Variants in ARRDC1 observed in about 807,000 individuals in gnomAD.
ARRDC1 encodes the protein arrestin domain-containing protein 1.
ARRDC1 carries 37 observed loss-of-function variants against 40.1 expected under a neutral mutation model. The ratio of observed to expected loss-of-function variants is 0.92; its 90% confidence interval spans 0.71 to 1.21. ARRDC1 has a LOEUF of 1.21. ARRDC1 is among the 50% of genes most tolerant of loss of function. The pLI is 0.00. For synonymous variants in ARRDC1, 310 were observed against 262.5 expected (o/e 1.18, Z -1.75); for missense variants, 641 against 581.9 (o/e 1.10, Z -1.04).
intron 1 of ARRDC1, among the ~76,000 whole-genome samples, chr9:137,609,192 G>C (rs759168987): frequency 7.2e-5 from 11 of 152,084 alleles, no homozygotes; most frequent in Non-Finnish European, 1.5e-4. Flanking sequence ...ACTGGAATAA[G>C]GGGTGTTTGT....
At chr9:137,613,963 C>A (rs772885988) in intron 4 of ARRDC1, 69 bp from the exon 5 acceptor site, 4 of 1,585,566 alleles carry the variant, frequency 2.5e-6, no homozygotes, top group Non-Finnish European at 3.4e-6. Flanking sequence ...GGCTGAGGGG[C>A]CTGTCCCAAT....
At chr9:137,605,933 G>T (rs1451075978) in intron 1 of ARRDC1, 98 bp downstream of exon 1, 2 of 732,564 alleles carry the variant, frequency 2.7e-6, no homozygotes, top group East Asian at 7.6e-5. Flanking sequence ...TTGGGCCCGC[G>T]GAGTCGCTGT....
At position 137,614,737 on chromosome 9, in the gene ARRDC1, G is replaced by T; in HGVS notation, c.974G>T (p.Gly325Val). 1.2e-6 allele frequency: 2 copies of T among 1,608,282 alleles called. No individual in the cohort carries two copies. Among genetic ancestry groups the T allele is most frequent in the Non-Finnish European group, 1.7e-6 (2 of 1,177,548 alleles). The change falls in exon 7 of 8, where the codon GGC becomes GTC. Residue 325 changes from glycine (G) to valine (V), a missense_variant. Transcript: ENST00000371421. ...GCTGAGGCTGAGGCTGCGGCTGGCG[G>T]CCCCCACTTCTTGGACCCCGTCTTC... The part of the protein sequence containing the change: ...EEAEAEAAAG[G>V]PHFLDPVFLS...
chr9:137,605,752 G>A lies in ARRDC1; in HGVS notation c.35G>A (p.Ser12Asn). The A allele has an allele frequency of 7.3e-7, 1 of 1,378,296 alleles. No individual in the cohort carries two copies. 85.4% of individuals were successfully genotyped at this position (1,378,296 alleles called of 1,614,324 possible). A position where few individuals can be genotyped will look rare whatever the true frequency, so the allele number is the denominator to read the frequency against. Reference sequence around the variant, plus strand: ...GTGCAGCTCTTCGAGATCAGCCTGAGCCACGGCCGCGTCGTCTACAGCCCC... The same window carrying A: ...GTGCAGCTCTTCGAGATCAGCCTGAACCACGGCCGCGTCGTCTACAGCCCC... ...GRVQLFEISL[S>N]HGRVVYSPGE... Residue 12 changes from serine to asparagine, a missense_variant, in exon 1 of 8, where the codon AGC (serine) becomes AAC (asparagine). Physicochemically the swap from Ser to Asn is conservative, Grantham distance 46. Coordinates refer to ENST00000371421, the MANE Select transcript of ARRDC1 (RefSeq NM_152285.4).
intron 1 of ARRDC1, chr9:137,612,360 G>C (rs908287059): frequency 6.3e-6 from 1 of 159,902 alleles, no homozygotes; most frequent in Non-Finnish European, 1.4e-5. Flanking sequence ...TGCTCGCCCA[G>C]GAAGTAGGGC....
chr9:137,607,070 G>A (rs1314973274), intron 1 of ARRDC1, among the ~76,000 whole-genome samples: 1 of 152,242 alleles, frequency 6.6e-6, no homozygotes, highest in Non-Finnish European at 1.5e-5. Context: ...CCCAAGAGCC[G>A]AGGGAGCACT....
chr9:137,615,076 GC>G lies in ARRDC1; in HGVS notation c.1244del (p.Pro415HisfsTer15). On this transcript the variant is annotated frameshift_variant, in exon 8 of 8. Coordinates refer to ENST00000371421, the MANE Select transcript of ARRDC1 (RefSeq NM_152285.4). LOFTEE classifies it high-confidence loss of function. ...CAGACCCTGCTTTCTTCCCGCAGAG[GC>G]CCCACCGTCTTATGAGCAGAGCTGC... ...EYSSWGYPYE[A>X]PPSYEQSCGG... 1.3e-6 allele frequency: 2 copies of G among 1,599,184 alleles called. No individual in the cohort carries two copies.
At chr9:137,610,924 T>G (rs1291658604) in intron 1 of ARRDC1, among the ~76,000 whole-genome samples, 1 of 152,186 alleles carries the variant, frequency 6.6e-6, no homozygotes, top group African/African-American at 2.4e-5. Context: ...CTTGAACTCC[T>G]GACCTCAAGT....
chr9:137,614,605 T>G lies in ARRDC1; in HGVS notation c.842T>G (p.Ile281Ser), dbSNP rs530007894. 1 of 1,612,908 alleles carries G rather than the reference T, an allele frequency of 6.2e-7. No individual in the cohort carries two copies. Among genetic ancestry groups the G allele is most frequent in the South Asian group, 1.1e-5 (1 of 91,076 alleles). The change falls in exon 7 of 8, where the codon ATT (isoleucine) becomes AGT (serine). Residue 281 changes from isoleucine (I) to serine (S), a missense_variant. Coordinates refer to ENST00000371421, the MANE Select transcript of ARRDC1 (RefSeq NM_152285.4). ...GCTACTGTGACCCTCCCGGTCTTCA[T>G]TGGCAATATTGCTGTGAACCATGCC... ...PEATVTLPVF[I>S]GNIAVNHAPV...
At chr9:137,614,259 C>A in intron 5 of ARRDC1, 40 bp from the exon 6 acceptor site, 2 of 1,576,704 alleles carry the variant, frequency 1.3e-6, no homozygotes, top group Non-Finnish European at 1.7e-6. Context: ...CTGGGGTGGG[C>A]TGGCAGCCTG....
chr9:137,605,784 C>A lies in ARRDC1; in HGVS notation c.67C>A (p.Pro23Thr). The change falls in exon 1 of 8, where the codon CCG (proline) becomes ACG (threonine). Residue 23 changes from proline to threonine, a missense_variant. Pro to Thr is a conservative substitution (Grantham distance 38). Coordinates refer to ENST00000371421, the MANE Select transcript of ARRDC1 (RefSeq NM_152285.4). ...HGRVVYSPGE[P>T]LAGTVRVRLG... ...CCGCGTCGTCTACAGCCCCGGGGAGCCGTTGGCTGGGACCGTGCGCGTGCG... is the reference window on the plus strand; with the variant it reads ...CCGCGTCGTCTACAGCCCCGGGGAGACGTTGGCTGGGACCGTGCGCGTGCG... The A allele has an allele frequency of 7.5e-7, 1 of 1,341,206 alleles. No individual in the cohort carries two copies. The highest frequency in any genetic ancestry group is 3.5e-5 in the Admixed American group (1 of 28,742). The allele number at this position is 1,341,206 out of a possible 1,614,324, so 83.1% of individuals were successfully genotyped here. A position where few individuals can be genotyped will look rare whatever the true frequency, so the allele number is the denominator to read the frequency against.
In ARRDC1 at chr9:137,614,722, AGGCTGC is replaced by A. The variant is rs766131510; in HGVS notation, c.965_970del (p.Ala322_Ala323del). The A allele has an allele frequency of 1.1e-4, 169 of 1,608,916 alleles. No individual in the cohort carries two copies. The highest frequency in any genetic ancestry group is 3.3e-4 in the Middle Eastern group (2 of 6,058). ...CCACCCCAGGAGGAGGCTGAGGCTG[AGGCTGC>A]GGCTGGCGGCCCCCACTTCTTGGAC... On this transcript the variant is annotated inframe_deletion, in exon 7 of 8. Transcript: ENST00000371421.
chr9:137,615,143 G>C lies in ARRDC1; in HGVS notation c.*5G>C. 13 of 1,525,698 alleles carry C rather than the reference G, an allele frequency of 8.5e-6. No homozygotes were observed. Among genetic ancestry groups the C allele is most frequent in the Non-Finnish European group, 1.1e-5 (12 of 1,136,534 alleles). 94.5% of individuals were successfully genotyped at this position (1,525,698 alleles called of 1,614,324 possible). ...AGCCTGACCCCTGAGAGCTGACCCC[G>C]TGCTGCCTTCTCCAGGCAGGCCTGG... On this transcript the variant is annotated 3_prime_UTR_variant, in exon 8 of 8. Transcript: ENST00000371421.
chr9:137,614,241 C>T (rs201966655), intron 5 of ARRDC1, 27 bp downstream of exon 5: 1 of 1,578,916 alleles, frequency 6.3e-7, no homozygotes, highest in Non-Finnish European at 8.6e-7. Flanking sequence ...GTTGCCTGGA[C>T]CGGCCTCCTG....
intron 1 of ARRDC1, 178 bp from the exon 2 acceptor site, chr9:137,612,715 GCCC>G: frequency 1.8e-6 from 1 of 571,388 alleles, no homozygotes; most frequent in Non-Finnish European, 3.1e-6. Context: ...TTCCCTTGGA[GCCC>G]CCCAAGACAG....
intron 1 of ARRDC1, among the ~76,000 whole-genome samples, chr9:137,609,428 T>G (rs901080630): frequency 7.3e-5 from 11 of 151,544 alleles, no homozygotes; most frequent in Admixed American, 1.3e-4. Context: ...GAGACGGGGT[T>G]TCTCCGTGTT....
Position 137,613,760 on chromosome 9 carries a change from A to T in ARRDC1, c.426A>T (p.Pro142=). The stretch of plus-strand genomic sequence containing the variant: ...GCCCCTTGAACCTGAACAGCATCCC[A>T]GACATTGAGGTGAGGATGGCACAGT... The part of the protein sequence containing the change: ...ILSPLNLNSI[P]DIEQPNVASA... The change falls in exon 4 of 8, where the codon CCA becomes CCT. Residue 142 remains proline (P), a synonymous_variant. Coordinates refer to ENST00000371421, the MANE Select transcript of ARRDC1 (RefSeq NM_152285.4). 6.2e-7 allele frequency: 1 copy of T among 1,614,130 alleles called. No homozygotes were observed.
At position 137,613,673 on chromosome 9, in the gene ARRDC1, C is replaced by T. The variant is rs150832353; in HGVS notation, c.339C>T (p.Ala113=). The change falls in exon 4 of 8, where the codon GCC becomes GCT. Residue 113 remains alanine, a synonymous_variant. Coordinates refer to ENST00000371421, the MANE Select transcript of ARRDC1 (RefSeq NM_152285.4). ...PFGKIVHQVR[A]AIHTPRFSKD... ...GGAAGATCGTGCACCAGGTGAGGGCCGCCATCCACACGCCACGGTTTTCCA... is the reference window on the plus strand; with the variant it reads ...GGAAGATCGTGCACCAGGTGAGGGCTGCCATCCACACGCCACGGTTTTCCA... The T allele has an allele frequency of 2.5e-4, 411 of 1,614,126 alleles. No individual in the cohort carries two copies. The highest frequency in any genetic ancestry group is 3.2e-4 in the Non-Finnish European group (374 of 1,180,058).
rs1329480254 is a variant in ARRDC1, at chr9:137,614,350, G to T, written c.670G>T (p.Glu224Ter). The change falls in exon 6 of 8, where the codon GAG (glutamate) becomes TAG (stop). Residue 224 changes from glutamate to a stop codon, truncating the protein, a stop_gained. Coordinates refer to ENST00000371421, the MANE Select transcript of ARRDC1 (RefSeq NM_152285.4). LOFTEE classifies it high-confidence loss of function. ...GATCCACGACGTACGGACCATTGCGGAGGTGGAGGGTGCGGGCGTCAAGGC... is the reference window on the plus strand; with the variant it reads ...GATCCACGACGTACGGACCATTGCGTAGGTGGAGGGTGCGGGCGTCAAGGC... ...RWIHDVRTIAEVEGAGVKAWR... is the reference protein window; with the variant it reads ...RWIHDVRTIA 1.2e-6 allele frequency: 2 copies of T among 1,612,720 alleles called. No individual in the cohort carries two copies. Among genetic ancestry groups the T allele is most frequent in the Non-Finnish European group, 1.7e-6 (2 of 1,179,498 alleles).
Sources: gnomAD v4.1 joint callset for allele counts (sites outside exome capture counted in the v4.1 genomes callset) on GRCh38, gnomAD v4.1.1 for gene constraint, MANE v1.5 for transcripts, NCBI Gene and HGNC (gene_info 2026-07-23, HGNC 2026-07-21) for gene names.